Variants in WDR47 observed in about 807,000 individuals in gnomAD.
WDR47 encodes WD repeat domain 47.
In WDR47, 32 loss-of-function variants were observed where a neutral mutation model predicts 97.2. The observed-to-expected ratio is 0.33, with a 90% CI of 0.25 to 0.44. The LOEUF is 0.44. Among genes scored for constraint, WDR47 ranks in the 20% least tolerant of loss-of-function variants. WDR47 has a pLI of 1.00. For synonymous variants in WDR47, 375 were observed against 373.5 expected, an observed-to-expected ratio of 1.00 and a Z score of -0.05; for missense variants, 782 against 1,102.3, an observed-to-expected ratio of 0.71 and a Z score of 4.11.
chr1:108,976,386 G>C (rs375310771), intron 13 of WDR47, among the ~76,000 whole-genome samples: 3 of 149,592 alleles, frequency 2.0e-5, no homozygotes, highest in East Asian at 3.9e-4. Flanking sequence ...AAAAAAAACA[G>C]TAAGGAAGGT....
chr1:109,011,925 T>C (rs189142086), intron 4 of WDR47, among the ~76,000 whole-genome samples: 142 of 152,308 alleles, frequency 9.3e-4, no homozygotes, highest in African/African-American at 3.2e-3. Flanking sequence ...ATTAAACTTT[T>C]ATCTATAAAA....
chr1:109,009,194 C>T (rs1014492476), intron 5 of WDR47, among the ~76,000 whole-genome samples: 2 of 152,208 alleles, frequency 1.3e-5, no homozygotes, highest in African/African-American at 4.8e-5. Context: ...GAAAAGGTTT[C>T]ATTTTTATCT....
chr1:108,971,483 A>G lies in WDR47; in HGVS notation c.2707T>C (p.Phe903Leu). 2 of 1,614,204 alleles carry G rather than the reference A, an allele frequency of 1.2e-6. No homozygotes were observed. The highest frequency in any genetic ancestry group is 8.5e-7 in the Non-Finnish European group (1 of 1,180,028). ...GTTCTATCTGCAGAGGATGACAGGA[A>G]GGAAAGATCCTGGGTGTGCCATCTG... ...QCRWHTQDLS[F>L]LSSSADRTVT... Residue 903 changes from phenylalanine (F) to leucine (L), a missense_variant, in exon 15 of 15, where the codon TTC becomes CTC. This residue lies in a region of WDR47 where 228 missense variants were observed against 396.7 expected (regional missense o/e 0.57). Coordinates refer to ENST00000369962, the MANE Select transcript of WDR47 (RefSeq NM_001142551.2).
intron 14 of WDR47, among the ~76,000 whole-genome samples, chr1:108,973,518 A>G (rs1316807690): frequency 6.6e-6 from 1 of 152,254 alleles, no homozygotes; most frequent in African/African-American, 2.4e-5. Flanking sequence ...ACTAGATACT[A>G]AGACCTAATT....
intron 2 of WDR47, among the ~76,000 whole-genome samples, chr1:109,023,001 G>A (rs932717765): frequency 2.6e-5 from 4 of 151,474 alleles, no homozygotes; most frequent in African/African-American, 4.8e-5. Flanking sequence ...TCAGGAGATC[G>A]AGACCATCCT....
intron 7 of WDR47, among the ~76,000 whole-genome samples, chr1:108,996,212 G>A (rs1323111369): frequency 6.6e-6 from 1 of 152,020 alleles, no homozygotes; most frequent in Non-Finnish European, 1.5e-5. Flanking sequence ...ATACCATCAT[G>A]ACCAGCTAAC....
intron 14 of WDR47, 36 bp from the exon 15 acceptor site, chr1:108,971,608 A>AATAAGT (rs1460230336): frequency 6.2e-7 from 1 of 1,612,820 alleles, no homozygotes; most frequent in South Asian, 1.1e-5. Flanking sequence ...TACAATGCAA[A>AATAAGT]ATAAGTATAT....
At chr1:108,981,270 G>T (rs1658325066) in intron 13 of WDR47, among the ~76,000 whole-genome samples, 1 of 152,062 alleles carries the variant, frequency 6.6e-6, no homozygotes, top group Non-Finnish European at 1.5e-5. Context: ...GTGTGTATTT[G>T]TGTTTACAGG....
At chr1:108,985,701 T>C (rs1454202868) in intron 10 of WDR47, among the ~76,000 whole-genome samples, 1 of 152,198 alleles carries the variant, frequency 6.6e-6, no homozygotes, top group African/African-American at 2.4e-5. Flanking sequence ...TGTGTCTGTA[T>C]AAGAAATACA....
chr1:109,019,277 G>A (rs74882789), intron 2 of WDR47, among the ~76,000 whole-genome samples: 1 of 151,622 alleles, frequency 6.6e-6, no homozygotes, highest in African/African-American at 2.4e-5. Flanking sequence ...CAGCTTACTC[G>A]GGAAGCTGAG....
chr1:109,022,725 C>T (rs1437303743), intron 2 of WDR47, among the ~76,000 whole-genome samples: 3 of 151,994 alleles, frequency 2.0e-5, no homozygotes, highest in Non-Finnish European at 4.4e-5. Flanking sequence ...GCTGGGATTA[C>T]AGGCATGTGC....
At chr1:108,996,147 G>A (rs1380934841) in intron 7 of WDR47, among the ~76,000 whole-genome samples, 1 of 152,064 alleles carries the variant, frequency 6.6e-6, no homozygotes, top group African/African-American at 2.4e-5. Context: ...GCTCACTGCA[G>A]CCCTGGGCTC....
chr1:108,995,031 T>C (rs1659647224), intron 8 of WDR47, among the ~76,000 whole-genome samples: 1 of 152,222 alleles, frequency 6.6e-6, no homozygotes, highest in South Asian at 2.1e-4. Context: ...AAGTGTTTTA[T>C]GCTAAGAATA....
chr1:109,028,361 G>GTTTTTTT (rs1414813690), intron 1 of WDR47, among the ~76,000 whole-genome samples: 14 of 27,604 alleles, frequency 5.1e-4, no homozygotes, highest in African/African-American at 7.6e-4. Flanking sequence ...ATTTTTGTTG[G>GTTTTTTT]GTTTTTTTTT....
At chr1:108,983,236 C>T (rs1553227596) in intron 11 of WDR47, 46 bp downstream of exon 11, 1 of 1,521,396 alleles carries the variant, frequency 6.6e-7, no homozygotes, top group Non-Finnish European at 8.8e-7. Context: ...GAAAACATAA[C>T]ATATACACTG....
At chr1:108,981,193 C>G (rs1440871082) in intron 13 of WDR47, among the ~76,000 whole-genome samples, 1 of 151,296 alleles carries the variant, frequency 6.6e-6, no homozygotes, top group African/African-American at 2.4e-5. Flanking sequence ...TCCAAGACAT[C>G]CTGTTAAGTT....
At chr1:108,996,843 T>C (rs1293016597) in intron 7 of WDR47, among the ~76,000 whole-genome samples, 2 of 152,108 alleles carry the variant, frequency 1.3e-5, no homozygotes, top group African/African-American at 4.8e-5. Context: ...ATGGGCCAGG[T>C]GCGGTGACTC....
intron 7 of WDR47, among the ~76,000 whole-genome samples, chr1:108,996,418 C>T (rs1377253769): frequency 6.6e-6 from 1 of 152,090 alleles, no homozygotes; most frequent in African/African-American, 2.4e-5. Flanking sequence ...TTTTTCTTCC[C>T]CAATATAACT....
intron 13 of WDR47, among the ~76,000 whole-genome samples, chr1:108,975,466 C>A (rs957991772): frequency 4.9e-4 from 74 of 151,724 alleles, no homozygotes; most frequent in African/African-American, 1.8e-3. Context: ...ACTAAAAATA[C>A]AAAAGTTAGC....
Sources: allele counts gnomAD v4.1 joint callset (sites outside exome capture counted in the v4.1 genomes callset), GRCh38; gene constraint gnomAD v4.1.1; regional missense constraint gnomAD v4.1.1; transcripts MANE v1.5; gene names NCBI Gene and HGNC (gene_info 2026-07-23, HGNC 2026-07-21).